FCHSD2: variants seen among roughly 807,000 people sequenced by gnomAD.
FCHSD2 encodes F-BAR and double SH3 domains protein 2.
A neutral mutation model predicts 108.1 loss-of-function variants in FCHSD2; 38 were observed. The ratio of observed to expected loss-of-function variants is 0.35; its 90% CI spans 0.27 to 0.46. FCHSD2 has a LOEUF of 0.46. FCHSD2 is among the 20% of genes least tolerant of loss of function. The pLI is 1.00. For synonymous variants in FCHSD2, 279 were observed against 314.7 expected, an observed-to-expected ratio of 0.89 and a Z score of 1.20; for missense variants, 751 against 897.8, an observed-to-expected ratio of 0.84 and a Z score of 2.09.
At chr11:73,086,672 A>C (rs1427029534) in intron 2 of FCHSD2, among the ~76,000 whole-genome samples, 3 of 152,200 alleles carry the variant, frequency 2.0e-5, no homozygotes, top group Non-Finnish European at 2.9e-5. Context: ...AAAAAAGGGA[A>C]AACACTAATT....
At chr11:73,071,454 G>A (rs760988960) in intron 3 of FCHSD2, among the ~76,000 whole-genome samples, 1 of 151,884 alleles carries the variant, frequency 6.6e-6, no homozygotes, top group African/African-American at 2.4e-5. Flanking sequence ...CACCTTGAGA[G>A]GTCGAGGCGG....
At chr11:73,082,209 T>C (rs1859705257) in intron 3 of FCHSD2, among the ~76,000 whole-genome samples, 1 of 151,314 alleles carries the variant, frequency 6.6e-6, no homozygotes, top group Non-Finnish European at 1.5e-5. Context: ...TGATGGCGTG[T>C]GCCTGTCATC....
intron 8 of FCHSD2, among the ~76,000 whole-genome samples, chr11:72,974,841 G>T (rs1857076040): frequency 1.3e-5 from 2 of 151,962 alleles, no homozygotes. Flanking sequence ...GAGAAGCAGA[G>T]ATTTAACAGA....
intron 8 of FCHSD2, chr11:72,940,933 C>G (rs1856403640): frequency 1.3e-6 from 1 of 797,004 alleles, no homozygotes; most frequent in Non-Finnish European, 2.2e-6. Flanking sequence ...CAGAAGAAAT[C>G]CTGACACCCA....
intron 2 of FCHSD2, among the ~76,000 whole-genome samples, chr11:73,090,944 T>C (rs1238761580): frequency 6.6e-6 from 1 of 152,182 alleles, no homozygotes; most frequent in Non-Finnish European, 1.5e-5. Context: ...TCTCCTCCCC[T>C]GTCAACTACT....
At chr11:72,957,125 T>C (rs1257056362) in intron 8 of FCHSD2, among the ~76,000 whole-genome samples, 1 of 151,336 alleles carries the variant, frequency 6.6e-6, no homozygotes, top group African/African-American at 2.4e-5. Flanking sequence ...GCTGGTGCGC[T>C]GCACCCACTA....
At chr11:73,027,298 C>G (rs1858252122) in intron 3 of FCHSD2, among the ~76,000 whole-genome samples, 1 of 152,104 alleles carries the variant, frequency 6.6e-6, no homozygotes, top group Non-Finnish European at 1.5e-5. Flanking sequence ...AGAACTAGAG[C>G]AAAGGTCACT....
At chr11:73,029,034 A>T (rs1297571018) in intron 3 of FCHSD2, among the ~76,000 whole-genome samples, 9 of 152,220 alleles carry the variant, frequency 5.9e-5, no homozygotes, top group Admixed American at 5.9e-4. Context: ...CATGACATAC[A>T]GCAATGAAAG....
At chr11:73,068,790 T>A (rs1412658926) in intron 3 of FCHSD2, among the ~76,000 whole-genome samples, 2 of 119,166 alleles carry the variant, frequency 1.7e-5, no homozygotes, top group African/African-American at 6.5e-5. Context: ...GGCAACATAG[T>A]GAGACCTCAT....
chr11:73,134,273 C>T (rs1861071308), intron 2 of FCHSD2, among the ~76,000 whole-genome samples: 1 of 151,952 alleles, frequency 6.6e-6, no homozygotes, highest in African/African-American at 2.4e-5. Context: ...GAGTTCGAGA[C>T]CAGCTGGGGC....
intron 3 of FCHSD2, among the ~76,000 whole-genome samples, chr11:73,068,559 T>A (rs960382179): frequency 6.6e-6 from 1 of 151,934 alleles, no homozygotes; most frequent in South Asian, 2.1e-4. Context: ...TGAACTAAAA[T>A]TAGATTCCTT....
At chr11:73,022,963 GTGATGCTAGAACAAT>G (rs563330558) in intron 3 of FCHSD2, among the ~76,000 whole-genome samples, 5 of 152,226 alleles carry the variant, frequency 3.3e-5, no homozygotes, top group African/African-American at 1.2e-4. Context: ...CAATCAACAA[GTGATGCTAGAACAAT>G]TGAATGACCA....
rs187304287 is a variant in FCHSD2 at position 72,870,774 on chromosome 11, C to T, written c.1147-2748G>A. Among the ~76,000 whole-genome samples the T allele has an allele frequency of 7.9e-3, 1,206 of 151,814 alleles. 20 individuals carry two copies. The highest frequency in any genetic ancestry group is 0.027 in the African/African-American group (1,131 of 41,442). ...AATTAGCTGGGCGTGGTGGCGGGTG[C>T]CTGTAGTCCCAGCTACTCGGGAGGC... On this transcript the variant is annotated intron_variant, in intron 12 of 19. Transcript: ENST00000409418.
chr11:73,007,463 A>C (rs1467507452), intron 4 of FCHSD2, among the ~76,000 whole-genome samples: 2 of 152,092 alleles, frequency 1.3e-5, no homozygotes, highest in East Asian at 1.9e-4. Context: ...TCTACAAAAA[A>C]AATTTTAAAA....
intron 10 of FCHSD2, among the ~76,000 whole-genome samples, chr11:72,894,374 A>C (rs1255431841): frequency 6.6e-6 from 1 of 152,162 alleles, no homozygotes; most frequent in Non-Finnish European, 1.5e-5. Flanking sequence ...GCTAGACCCC[A>C]GCTCTTAAAA....
chr11:72,887,711 C>G (rs1458997317), intron 11 of FCHSD2, 137 bp from the exon 12 acceptor site: 4 of 553,466 alleles, frequency 7.2e-6, no homozygotes, highest in Non-Finnish European at 1.2e-5. Context: ...ATTTTTTGAA[C>G]ATTTTGAAAT....
At chr11:73,058,223 CAT>C (rs1474002058) in intron 3 of FCHSD2, among the ~76,000 whole-genome samples, 1 of 152,104 alleles carries the variant, frequency 6.6e-6, no homozygotes, top group African/African-American at 2.4e-5. Context: ...TGTTTTATGT[CAT>C]AAAATCAGCC....
rs1386809464 is a variant in FCHSD2, at chr11:73,070,388, C to T, written c.165+13307G>A. Among the ~76,000 whole-genome samples the T allele has an allele frequency of 2.6e-5, 4 of 152,090 alleles. 1 individual carries two copies. The highest frequency in any genetic ancestry group is 7.2e-5 in the African/African-American group (3 of 41,428). On this transcript the variant is annotated intron_variant, in intron 3 of 19. Transcript: ENST00000409418. ...CCCTAGAACCTAGCATCACGCCAGT[C>T]GTAAAGTAGATACTTGATAAATGTC...
intron 7 of FCHSD2, among the ~76,000 whole-genome samples, chr11:72,984,679 G>T (rs1204046420): frequency 6.6e-6 from 1 of 152,188 alleles, no homozygotes; most frequent in African/African-American, 2.4e-5. Flanking sequence ...TCCACAGTGT[G>T]AAGTTTCCGA....
Sources: gnomAD v4.1 joint callset for allele counts (sites outside exome capture counted in the v4.1 genomes callset) on GRCh38, gnomAD v4.1.1 for gene constraint, MANE v1.5 for transcripts, NCBI Gene and HGNC (gene_info 2026-07-23, HGNC 2026-07-21) for gene names.